INTS6: variants seen among roughly 807,000 people sequenced by gnomAD.
The protein encoded by INTS6 is integrator complex subunit 6.
Under a neutral mutation model 104.9 loss-of-function variants are expected in INTS6, and 16 were observed. The ratio of observed to expected loss-of-function variants is 0.15; its 90% CI spans 0.10 to 0.23. INTS6 has a LOEUF of 0.23. Ranked by LOEUF, INTS6 falls within the 10% of genes least tolerant of loss-of-function variation. The probability of loss-of-function intolerance (pLI) is 1.00; values close to 1 mark genes in which losing one functional copy is unlikely to be tolerated. For missense variants in INTS6, 584 were observed against 1,062.8 expected, an observed-to-expected ratio of 0.55 and a Z score of 6.26; for synonymous variants, 324 against 358.7, an observed-to-expected ratio of 0.90 and a Z score of 1.09.
chr13:51,374,121 TTC>T (rs1344514558), intron 15 of INTS6, 85 bp downstream of exon 15: 1 of 1,065,200 alleles, frequency 9.4e-7, no homozygotes, highest in African/African-American at 1.6e-5. Flanking sequence ...ACTAATCAAT[TTC>T]CTTCTATAAT....
At chr13:51,388,634 C>A (rs1386168923) in intron 6 of INTS6, among the ~76,000 whole-genome samples, 1 of 152,146 alleles carries the variant, frequency 6.6e-6, no homozygotes, top group Non-Finnish European at 1.5e-5. Flanking sequence ...CTCAGGTGAT[C>A]CACCCACCTT....
intron 4 of INTS6, among the ~76,000 whole-genome samples, chr13:51,412,109 C>A (rs536877297): frequency 3.8e-4 from 58 of 152,046 alleles, no homozygotes; most frequent in African/African-American, 1.4e-3. Context: ...CTAGAGAAGA[C>A]AAAACAATAG....
At chr13:51,375,211 G>C in intron 13 of INTS6, among the ~76,000 whole-genome samples, 1 of 151,918 alleles carries the variant, frequency 6.6e-6, no homozygotes, top group South Asian at 2.1e-4. Context: ...AAATTAGCAG[G>C]GCATGGTGGC....
In INTS6 at chr13:51,451,855, C is replaced by A. The variant is rs573492218; in HGVS notation, c.189+123G>T. The stretch of plus-strand genomic sequence containing the variant: ...GGAGCCCGCAGGGAAGAGACCTCAG[C>A]GGCTGGGAGCGCAGCGGGTGGGGGA... On this transcript the variant is annotated intron_variant, in intron 2 of 17. Transcript: ENST00000311234. 2.9e-4 allele frequency: 158 copies of A among 539,262 alleles called. 6 individuals carry two copies. In the South Asian group the frequency reaches 3.5e-3, roughly 12 times the overall value. The allele number at this position is 539,262 out of a possible 1,614,324, so 33.4% of individuals were successfully genotyped here.
chr13:51,411,214 A>AAAATAAATAAAT (rs71085083), intron 4 of INTS6, among the ~76,000 whole-genome samples: 233 of 143,068 alleles, frequency 1.6e-3, no homozygotes, highest in Non-Finnish European at 2.2e-3. Context: ...CTTTGTCTCA[A>AAAATAAATAAAT]AAATAAATAA....
chr13:51,429,829 G>T (rs9526760), intron 4 of INTS6, among the ~76,000 whole-genome samples: 7,050 of 132,248 alleles, frequency 0.053, 303 homozygotes, highest in East Asian at 0.22. Flanking sequence ...ATTTGACTTA[G>T]AGAAAACAAA....
chr13:51,390,240 C>T (rs1178842848), intron 5 of INTS6, among the ~76,000 whole-genome samples: 1 of 151,786 alleles, frequency 6.6e-6, no homozygotes, highest in Non-Finnish European at 1.5e-5. Flanking sequence ...TATAGCTAGT[C>T]TGAATTGAAA....
the INTS6 span, among the ~76,000 whole-genome samples, chr13:51,343,132 G>C: frequency 2.0e-5 from 3 of 152,192 alleles, no homozygotes; most frequent in Non-Finnish European, 4.4e-5. Context: ...GCAACATGAA[G>C]GGTGTCAGAG....
intron 4 of INTS6, among the ~76,000 whole-genome samples, chr13:51,408,290 C>A (rs182136840): frequency 6.6e-6 from 1 of 151,582 alleles, no homozygotes; most frequent in African/African-American, 2.4e-5. Context: ...ATTACAGGCG[C>A]CTGCCACCAT....
Position 51,452,374 on chromosome 13 carries a change from C to T in INTS6, c.111+41G>A, listed in dbSNP as rs1288013559. 3.3e-6 allele frequency: 5 copies of T among 1,499,156 alleles called. No individual in the cohort carries two copies. In the Admixed American group the frequency reaches 6.4e-5, roughly 19 times the overall value. The allele number at this position is 1,499,156 out of a possible 1,614,324, so 92.9% of individuals were successfully genotyped here. A position where few individuals can be genotyped will look rare whatever the true frequency, so the allele number is the denominator to read the frequency against. On this transcript the variant is annotated intron_variant, in intron 1 of 17. Coordinates refer to ENST00000311234, the MANE Select transcript of INTS6 (RefSeq NM_012141.3). The surrounding 1 kb of genome is among the most constrained non-coding windows in gnomAD (Gnocchi z 4.2). ...CTCCCCCACCCTGCCGCCCGCGGGC[C>T]GCCGGGCCGGGGTCGCCGCCCGGGC...
Position 51,364,262 on chromosome 13 carries a change from G to C in INTS6, c.*1490C>G. On this transcript the variant is annotated 3_prime_UTR_variant, in exon 18 of 18. Transcript: ENST00000311234. ...AGGGTTTGTCTTCAGTATTGGGAGA[G>C]TTTCAAATCCCCTAGACTAAATGCA... The C allele has an allele frequency of 6.8e-7, 1 of 1,478,160 alleles. No homozygotes were observed. The highest frequency in any genetic ancestry group is 9.1e-7 in the Non-Finnish European group (1 of 1,101,064). 91.6% of individuals were successfully genotyped at this position (1,478,160 alleles called of 1,614,324 possible). A position where few individuals can be genotyped will look rare whatever the true frequency, so the allele number is the denominator to read the frequency against.
At chr13:51,399,723 CGTGTGTGT>C (rs1255845541) in intron 4 of INTS6, among the ~76,000 whole-genome samples, 1 of 117,212 alleles carries the variant, frequency 8.5e-6, no homozygotes, top group Non-Finnish European at 2.1e-5. Flanking sequence ...TGTGTGTGTG[CGTGTGTGT>C]GCGTGTGTGT....
chr13:51,374,904 A>G (rs1039315294), intron 13 of INTS6, 108 bp from the exon 14 acceptor site: 13 of 1,107,236 alleles, frequency 1.2e-5, no homozygotes, highest in East Asian at 2.5e-5. Flanking sequence ...AGTCTTCTTT[A>G]CCAACATATT....
chr13:51,433,021 C>T lies in INTS6; in HGVS notation c.340-2638G>A, dbSNP rs182579333. Among the ~76,000 whole-genome samples the T allele has an allele frequency of 3.3e-5, 5 of 152,338 alleles. 1 individual carries two copies. The highest frequency in any genetic ancestry group is 2.6e-4 in the Admixed American group (4 of 15,310). ...TCGAAACTATATTATCTTGCTTCCA[C>T]CCTTAAGCTAAACTACTTTTGTTGA... is the stretch of plus-strand genomic sequence containing the variant. On this transcript the variant is annotated intron_variant, in intron 3 of 17. Coordinates refer to ENST00000311234, the MANE Select transcript of INTS6 (RefSeq NM_012141.3).
At chr13:51,378,781 G>A (rs1313093562) in intron 11 of INTS6, among the ~76,000 whole-genome samples, 4 of 151,800 alleles carry the variant, frequency 2.6e-5, no homozygotes, top group Non-Finnish European at 5.9e-5. Context: ...CCAATTCAGG[G>A]GTGACGGTAA....
chr13:51,451,310 G>T, intron 2 of INTS6, 136 bp from the exon 3 acceptor site: 1 of 532,482 alleles, frequency 1.9e-6, no homozygotes, highest in Non-Finnish European at 3.0e-6. Flanking sequence ...ATACTGTACC[G>T]CTGCTGAGGA....
chr13:51,344,738 C>G, the INTS6 span, among the ~76,000 whole-genome samples: 4 of 152,128 alleles, frequency 2.6e-5, no homozygotes, highest in Non-Finnish European at 5.9e-5. Context: ...CAAGAGCACA[C>G]AAGAACACAG....
intron 3 of INTS6, chr13:51,447,733 GAAAAAAAAAAAAAA>G (rs940260743): frequency 1.8e-5 from 1 of 55,462 alleles, no homozygotes; most frequent in African/African-American, 7.4e-5. Flanking sequence ...ATAATTTACT[GAAAAAAAAAAAAAA>G]AAAAAAAAAA....
chr13:51,363,105 A>C lies in INTS6; in HGVS notation c.*2647T>G, dbSNP rs1028005149. On this transcript the variant is annotated 3_prime_UTR_variant, in exon 18 of 18. Coordinates refer to ENST00000311234, the MANE Select transcript of INTS6 (RefSeq NM_012141.3). Reference sequence around the variant, plus strand: ...GAGACAGGACTACATTTGAACAGAAAGGTCATTGCCAAAAGCCAATAGCCA... The same window carrying C: ...GAGACAGGACTACATTTGAACAGAACGGTCATTGCCAAAAGCCAATAGCCA... 6.6e-6 allele frequency: 1 copy of C among 151,996 alleles called. No individual in the cohort carries two copies. Among genetic ancestry groups the C allele is most frequent in the African/African-American group, 2.4e-5 (1 of 41,426 alleles). The allele number at this position is 151,996 out of a possible 1,614,324, so 9.4% of individuals were successfully genotyped here.
Sources: allele counts gnomAD v4.1 joint callset (sites outside exome capture counted in the v4.1 genomes callset), GRCh38; gene constraint gnomAD v4.1.1; non-coding constraint Gnocchi (gnomAD v3.1); transcripts MANE v1.5; gene names NCBI Gene and HGNC (gene_info 2026-07-23, HGNC 2026-07-21).